Variants in RBMS3 observed in about 807,000 individuals in gnomAD.
The protein encoded by RBMS3 is RNA binding motif single stranded interacting protein 3.
RBMS3 carries 27 observed loss-of-function variants against 66.8 expected under a neutral mutation model. The observed-to-expected ratio is 0.40, with a 90% CI of 0.30 to 0.56. The LOEUF is 0.56. RBMS3 is among the 20% of genes least tolerant of loss of function. The probability of loss-of-function intolerance (pLI) is 0.40; values close to 1 mark genes in which losing one functional copy is unlikely to be tolerated. For synonymous variants in RBMS3, 188 were observed against 183.0 expected (o/e 1.03, Z -0.22); for missense variants, 513 against 549.5 (o/e 0.93, Z 0.66).
rs1050530580 is a variant in RBMS3 at position 30,004,973 on chromosome 3, G to C, written c.*1111G>C. 3 of 150,466 alleles carry C rather than the reference G, an allele frequency of 2.0e-5. No homozygotes were observed. Among genetic ancestry groups the C allele is most frequent in the African/African-American group, 7.3e-5 (3 of 40,950 alleles). The allele number at this position is 150,466 out of a possible 1,614,324, so 9.3% of individuals were successfully genotyped here. The stretch of plus-strand genomic sequence containing the variant: ...AAAAAAAGCAATAGATAGAGAAATT[G>C]TTGACAATTTCTGTAGTCTTTCCTA... On this transcript the variant is annotated 3_prime_UTR_variant, in exon 15 of 15. Transcript: ENST00000383767.
chr3:29,340,368 A>G (rs2036213943), intron 1 of RBMS3, among the ~76,000 whole-genome samples: 1 of 152,078 alleles, frequency 6.6e-6, no homozygotes, highest in Admixed American at 6.6e-5. Flanking sequence ...TATTTGGCCA[A>G]TGGACACCGC....
chr3:29,861,536 C>G (rs1001583854), intron 6 of RBMS3, among the ~76,000 whole-genome samples: 1 of 152,144 alleles, frequency 6.6e-6, no homozygotes, highest in Non-Finnish European at 1.5e-5. Context: ...ATTCTGCTGT[C>G]GATATCTTAG....
At chr3:29,332,553 C>T (rs531770543) in intron 1 of RBMS3, among the ~76,000 whole-genome samples, 5 of 152,216 alleles carry the variant, frequency 3.3e-5, no homozygotes, top group East Asian at 3.9e-4. Context: ...ATGATTGTTC[C>T]GGAAGCTATT....
intron 6 of RBMS3, among the ~76,000 whole-genome samples, chr3:29,809,066 C>T (rs2149454832): frequency 6.6e-6 from 1 of 151,882 alleles, no homozygotes; most frequent in Middle Eastern, 3.4e-3. Context: ...ATCCAAATAT[C>T]TAGTTAGTAC....
At chr3:29,846,269 GT>G (rs2149511772) in intron 6 of RBMS3, among the ~76,000 whole-genome samples, 1 of 152,158 alleles carries the variant, frequency 6.6e-6, no homozygotes, top group African/African-American at 2.4e-5. Context: ...GAATTATTTG[GT>G]GGGGGGATAT....
chr3:29,611,506 G>A (rs547709644), intron 4 of RBMS3, among the ~76,000 whole-genome samples: 25 of 151,924 alleles, frequency 1.6e-4, no homozygotes, highest in African/African-American at 2.4e-4. Context: ...TGAGTTTGAT[G>A]TGTATTTTAT....
intron 11 of RBMS3, among the ~76,000 whole-genome samples, chr3:29,941,930 T>A (rs2061402532): frequency 6.6e-6 from 1 of 151,794 alleles, no homozygotes; most frequent in South Asian, 2.1e-4. Context: ...ATGATAGGAA[T>A]CTAAATTTGT....
Position 29,328,211 on chromosome 3 carries a change from A to G in RBMS3, c.75+46455A>G, listed in dbSNP as rs372359418. On this transcript the variant is annotated intron_variant, in intron 1 of 14. Transcript: ENST00000383767. ...TACTATAACATTCTTGGCTTATTGTACATTAGATTTTAAAATTTAGAAAAT... is the reference window on the plus strand; with the variant it reads ...TACTATAACATTCTTGGCTTATTGTGCATTAGATTTTAAAATTTAGAAAAT... Among the ~76,000 whole-genome samples, 181 of 152,320 alleles carry G rather than the reference A, an allele frequency of 1.2e-3. 5 individuals are homozygous for G. In the South Asian group the frequency reaches 0.035, roughly 30 times the overall value.
At chr3:29,291,455 C>T (rs916803675) in intron 1 of RBMS3, among the ~76,000 whole-genome samples, 10 of 151,832 alleles carry the variant, frequency 6.6e-5, no homozygotes, top group African/African-American at 2.4e-4. Context: ...CTGAGAGCAA[C>T]TGGGAGTTCC....
chr3:29,562,194 G>T (rs2046581456), intron 3 of RBMS3, among the ~76,000 whole-genome samples: 1 of 152,130 alleles, frequency 6.6e-6, no homozygotes, highest in African/African-American at 2.4e-5. Context: ...TCCCAGGCAA[G>T]CAATAGAATT....
Position 29,775,313 on chromosome 3 carries a change from GTGTTT to G in RBMS3, c.637+12331_637+12335del, listed in dbSNP as rs1449805120. Among the ~76,000 whole-genome samples, 38 of 150,086 alleles carry G rather than the reference GTGTTT, an allele frequency of 2.5e-4. 1 individual carries two copies. Among genetic ancestry groups the G allele is most frequent in the African/African-American group, 7.6e-4 (31 of 40,660 alleles). The stretch of plus-strand genomic sequence containing the variant: ...CATTCAGGCGCCTAATCTATAGTGA[GTGTTT>G]TGTTTTATTTTTTTAAATGCAGAGG... On this transcript the variant is annotated intron_variant, in intron 6 of 14. Coordinates refer to ENST00000383767, the MANE Select transcript of RBMS3 (RefSeq NM_001003793.3).
intron 4 of RBMS3, among the ~76,000 whole-genome samples, chr3:29,659,614 T>C (rs1430597264): frequency 6.6e-6 from 1 of 152,222 alleles, no homozygotes; most frequent in Non-Finnish European, 1.5e-5. Flanking sequence ...ACATTTCCCT[T>C]ATCCATTCAT....
intron 2 of RBMS3, among the ~76,000 whole-genome samples, chr3:29,465,565 T>C (rs1231464468): frequency 6.7e-6 from 1 of 150,230 alleles, no homozygotes; most frequent in South Asian, 2.1e-4. Flanking sequence ...TTTCTGTAAA[T>C]CTAGTGAGCC....
At chr3:29,586,358 AG>A (rs2047520609) in intron 3 of RBMS3, among the ~76,000 whole-genome samples, 1 of 152,102 alleles carries the variant, frequency 6.6e-6, no homozygotes, top group African/African-American at 2.4e-5. Context: ...CATCCACACA[AG>A]CACACAATCA....
intron 4 of RBMS3, among the ~76,000 whole-genome samples, chr3:29,595,180 C>A (rs1264327714): frequency 6.6e-6 from 1 of 152,008 alleles, no homozygotes; most frequent in Non-Finnish European, 1.5e-5. Context: ...AGGAGGATCA[C>A]AAGGTCAGGA....
At chr3:29,556,994 G>C (rs912574831) in intron 3 of RBMS3, among the ~76,000 whole-genome samples, 2 of 152,132 alleles carry the variant, frequency 1.3e-5, no homozygotes, top group African/African-American at 4.8e-5. Context: ...ATGAAACTTT[G>C]TTTGAAAGTG....
intron 14 of RBMS3, among the ~76,000 whole-genome samples, chr3:29,994,679 G>A (rs899568338): frequency 3.3e-5 from 5 of 152,182 alleles, no homozygotes; most frequent in Admixed American, 6.5e-5. Context: ...ACCTCACACG[G>A]CAGGGTATTC....
chr3:29,464,409 CCTT>C (rs1021496392), intron 2 of RBMS3, among the ~76,000 whole-genome samples: 1 of 152,156 alleles, frequency 6.6e-6, no homozygotes, highest in Non-Finnish European at 1.5e-5. Context: ...GGCTCACTCT[CCTT>C]CTTTTTTCCC....
chr3:29,880,803 A>T (rs1559763774), intron 7 of RBMS3: 3 of 1,536,020 alleles, frequency 2.0e-6, no homozygotes, highest in Non-Finnish European at 2.6e-6. Context: ...GACTGTCCCT[A>T]GGCAAAATCG....
Sources: allele counts gnomAD v4.1 joint callset (sites outside exome capture counted in the v4.1 genomes callset), GRCh38; gene constraint gnomAD v4.1.1; transcripts MANE v1.5; gene names NCBI Gene and HGNC (gene_info 2026-07-23, HGNC 2026-07-21).